The following CACHD1 variants were observed in gnomAD, a reference collection of about 807,000 sequenced individuals.
CACHD1 encodes the protein VWFA and cache domain-containing protein 1.
In CACHD1, 71 loss-of-function variants were observed where a neutral mutation model predicts 138.7. The observed-to-expected ratio is 0.51, with a 90% CI of 0.42 to 0.62. CACHD1 has a LOEUF of 0.62. CACHD1 is among the 20% of genes least tolerant of loss of function. CACHD1 has a pLI of 0.00. For synonymous variants in CACHD1, 578 were observed against 591.5 expected (o/e 0.98, Z 0.33); for missense variants, 1,389 against 1,625.3 (o/e 0.85, Z 2.50).
chr1:64,563,942 C>G (rs1646861566), intron 2 of CACHD1: 1 of 152,168 alleles, frequency 6.6e-6, no homozygotes, highest in Non-Finnish European at 1.5e-5. Context: ...AGTAGGCATT[C>G]AGTATTTTGT....
At chr1:64,677,734 A>G in intron 22 of CACHD1, among the ~76,000 whole-genome samples, 1 of 152,320 alleles carries the variant, frequency 6.6e-6, no homozygotes, top group East Asian at 1.9e-4. Context: ...GCTCTGAGAA[A>G]TTGGCAGTGA....
intron 1 of CACHD1, among the ~76,000 whole-genome samples, chr1:64,507,288 A>T (rs1190480630): frequency 6.6e-6 from 1 of 152,080 alleles, no homozygotes; most frequent in African/African-American, 2.4e-5. Flanking sequence ...CTTGCCTTAT[A>T]GTTGGTTGTA....
At chr1:64,506,637 A>T (rs1646379087) in intron 1 of CACHD1, 1 of 152,148 alleles carries the variant, frequency 6.6e-6, no homozygotes, top group Non-Finnish European at 1.5e-5. Flanking sequence ...TTTTTTTCCT[A>T]GCTGGAATTA....
intron 7 of CACHD1, among the ~76,000 whole-genome samples, chr1:64,640,692 GAC>G (rs35423621): frequency 0.13 from 18,504 of 143,524 alleles, 1,245 homozygotes; most frequent in African/African-American, 0.17. Context: ...TATATATACA[GAC>G]ACACACACAC....
At position 64,539,183 on chromosome 1, in the gene CACHD1, A is replaced by T. The variant is rs139972876; in HGVS notation, c.199-11411A>T. Among the ~76,000 whole-genome samples, 6 of 152,294 alleles carry T rather than the reference A, an allele frequency of 3.9e-5. No homozygotes were observed. The East Asian group carries it at 1.2e-3, about 29-fold the overall frequency. ...AATGGACTGCATTTTTTTCTTTGCGAAAAGGCTTAGGAACAGTTTAGGAAA... is the reference window on the plus strand; with the variant it reads ...AATGGACTGCATTTTTTTCTTTGCGTAAAGGCTTAGGAACAGTTTAGGAAA... On this transcript the variant is annotated intron_variant, in intron 1 of 26. Coordinates refer to ENST00000651257, the MANE Select transcript of CACHD1 (RefSeq NM_020925.4).
At chr1:64,557,000 TC>T (rs1334794144) in intron 2 of CACHD1, among the ~76,000 whole-genome samples, 1 of 152,072 alleles carries the variant, frequency 6.6e-6, no homozygotes, top group African/African-American at 2.4e-5. Flanking sequence ...GCGCCTGTAG[TC>T]CCAGCTACTT....
chr1:64,614,854 A>G (rs1647656187), intron 4 of CACHD1, among the ~76,000 whole-genome samples: 1 of 151,554 alleles, frequency 6.6e-6, no homozygotes, highest in Non-Finnish European at 1.5e-5. Flanking sequence ...TAACGTAGAG[A>G]CCCCCCAAAA....
At chr1:64,524,780 CATG>C (rs1002009885) in intron 1 of CACHD1, among the ~76,000 whole-genome samples, 1 of 152,140 alleles carries the variant, frequency 6.6e-6, no homozygotes, top group East Asian at 1.9e-4. Context: ...AGCAAAGACA[CATG>C]ATGATGATGA....
intron 1 of CACHD1, among the ~76,000 whole-genome samples, chr1:64,541,701 A>G (rs1462244183): frequency 6.6e-6 from 1 of 152,162 alleles, no homozygotes; most frequent in Non-Finnish European, 1.5e-5. Context: ...GCGTGCTGGT[A>G]CGCTCCTGTA....
chr1:64,569,180 C>T (rs566531493), intron 2 of CACHD1, among the ~76,000 whole-genome samples: 46 of 152,198 alleles, frequency 3.0e-4, no homozygotes, highest in Middle Eastern at 3.4e-3. Context: ...CTCAGCCTCC[C>T]GAAGTGCTGG....
chr1:64,611,822 G>C (rs751875628), intron 4 of CACHD1, among the ~76,000 whole-genome samples: 2 of 152,174 alleles, frequency 1.3e-5, no homozygotes, highest in Admixed American at 6.6e-5. Context: ...TTATAGCAGT[G>C]CCTCGCTACC....
At chr1:64,569,990 G>A (rs1646913935) in intron 2 of CACHD1, among the ~76,000 whole-genome samples, 1 of 152,160 alleles carries the variant, frequency 6.6e-6, no homozygotes, top group Non-Finnish European at 1.5e-5. Context: ...GACTTCTCCA[G>A]CCCTCTCCCT....
In CACHD1 at chr1:64,671,510, T is replaced by C; in HGVS notation, c.2388-54T>C. On this transcript the variant is annotated intron_variant, in intron 16 of 26. Coordinates refer to ENST00000651257, the MANE Select transcript of CACHD1 (RefSeq NM_020925.4). ...AATGTCCCTGTGACTGAACATAGCTTTTATCCTTAAATAAGCCATGCCTAT... is the reference window on the plus strand; with the variant it reads ...AATGTCCCTGTGACTGAACATAGCTCTTATCCTTAAATAAGCCATGCCTAT... The C allele has an allele frequency of 2.5e-6, 4 of 1,599,268 alleles. No homozygotes were observed. In the South Asian group the frequency reaches 4.4e-5, roughly 18 times the overall value.
intron 4 of CACHD1, among the ~76,000 whole-genome samples, chr1:64,624,228 C>A (rs1165583223): frequency 6.6e-6 from 1 of 152,184 alleles, no homozygotes; most frequent in African/African-American, 2.4e-5. Flanking sequence ...ATTGGAGAAA[C>A]CTTGCCTGAA....
At chr1:64,615,374 C>G (rs1020233326) in intron 4 of CACHD1, among the ~76,000 whole-genome samples, 5 of 152,186 alleles carry the variant, frequency 3.3e-5, no homozygotes, top group Admixed American at 3.3e-4. Flanking sequence ...TCTGCCAACC[C>G]CAGGACTGCT....
chr1:64,511,806 A>G (rs1646422643), intron 1 of CACHD1, among the ~76,000 whole-genome samples: 1 of 152,162 alleles, frequency 6.6e-6, no homozygotes, highest in Non-Finnish European at 1.5e-5. Context: ...CTAGAATACA[A>G]TTGCCTTCCT....
chr1:64,609,907 G>C (rs1647468098), intron 4 of CACHD1, among the ~76,000 whole-genome samples: 1 of 152,092 alleles, frequency 6.6e-6, no homozygotes, highest in African/African-American at 2.4e-5. Flanking sequence ...CCTGAGACTA[G>C]GTAATTTATA....
intron 1 of CACHD1, among the ~76,000 whole-genome samples, chr1:64,472,705 G>C (rs1398763014): frequency 6.6e-6 from 1 of 152,168 alleles, no homozygotes; most frequent in African/African-American, 2.4e-5. Flanking sequence ...TTTCCATTCA[G>C]AGCACAATTG....
At chr1:64,685,574 T>C (rs577577203) in intron 26 of CACHD1, among the ~76,000 whole-genome samples, 95 of 152,210 alleles carry the variant, frequency 6.2e-4, no homozygotes, top group African/African-American at 2.1e-3. Flanking sequence ...CACAAGCTGT[T>C]GAGACCTTAG....
Sources: gnomAD v4.1 joint callset for allele counts (sites outside exome capture counted in the v4.1 genomes callset) on GRCh38, gnomAD v4.1.1 for gene constraint, MANE v1.5 for transcripts, NCBI Gene and HGNC (gene_info 2026-07-23, HGNC 2026-07-21) for gene names.